The following VPS33A variants were observed in gnomAD, a reference collection of about 807,000 sequenced individuals.
VPS33A encodes the protein VPS33A core subunit of CORVET and HOPS complexes, also known as vacuolar protein sorting-associated protein 33A.
In VPS33A, 32 loss-of-function variants were observed where a neutral mutation model predicts 71.8. The ratio of observed to expected loss-of-function variants is 0.45; its 90% CI spans 0.34 to 0.60. The LOEUF is 0.60. Ranked by LOEUF, VPS33A falls within the 20% of genes least tolerant of loss-of-function variation. The probability of loss-of-function intolerance (pLI) is 0.02; values close to 1 mark genes in which losing one functional copy is unlikely to be tolerated. For missense variants in VPS33A, 625 were observed against 748.5 expected (o/e 0.84, Z 1.92); for synonymous variants, 311 against 292.7 (o/e 1.06, Z -0.64).
intron 7 of VPS33A, 51 bp downstream of exon 7, chr12:122,244,518 G>A: frequency 6.7e-7 from 1 of 1,492,982 alleles, no homozygotes; most frequent in Non-Finnish European, 9.1e-7. Flanking sequence ...TCAGGGGTGG[G>A]CATCTACCTG....
In VPS33A at chr12:122,232,742, T is replaced by C. The variant is rs930367155; in HGVS notation, c.1609+58A>G. 4 of 1,554,680 alleles carry C rather than the reference T, an allele frequency of 2.6e-6. No homozygotes were observed. The African/African-American group carries it at 4.1e-5, about 16-fold the overall frequency. On this transcript the variant is annotated intron_variant, in intron 12 of 12. Transcript: ENST00000267199. ...ACTATTTTACAAAGCAACTGTACAA[T>C]ACCTGAAAACCACACTAACAGTACA...
chr12:122,236,059 T>C (rs951669316), intron 10 of VPS33A, 136 bp from the exon 11 acceptor site: 285 of 1,093,498 alleles, frequency 2.6e-4, no homozygotes, highest in Non-Finnish European at 3.4e-4. Flanking sequence ...TGTTAGTGGA[T>C]GGGCACAGAG....
rs1207597756 is a variant in VPS33A, at chr12:122,251,016, G to C, written c.567C>G (p.Ile189Met). ...LMTLQALYGT[I>M]PQIFGKGECA... ...ATTCTCCTTTCCCAAAGATCTGGGG[G>C]ATCGTTCCATACAGAGCTTGCAGGG... The change falls in exon 5 of 13, where the codon ATC (isoleucine) becomes ATG (methionine). Residue 189 changes from isoleucine to methionine, a missense_variant. By Grantham distance (10) the Ile-to-Met change is conservative. Transcript: ENST00000267199. 1.2e-6 allele frequency: 2 copies of C among 1,614,068 alleles called. No homozygotes were observed. The highest frequency in any genetic ancestry group is 1.7e-6 in the Non-Finnish European group (2 of 1,179,974).
chr12:122,239,783 A>G (rs1369868756), intron 9 of VPS33A, 95 bp downstream of exon 9: 8 of 641,614 alleles, frequency 1.2e-5, no homozygotes, highest in Admixed American at 5.7e-5. Flanking sequence ...AAAAAAAGGC[A>G]AGGCATGGGA....
intron 3 of VPS33A, among the ~76,000 whole-genome samples, chr12:122,262,466 C>T (rs759074557): frequency 6.6e-6 from 1 of 152,172 alleles, no homozygotes; most frequent in Non-Finnish European, 1.5e-5. Context: ...TCCTACTCTC[C>T]TTGACAGAGA....
At chr12:122,257,264 T>TA in intron 4 of VPS33A, among the ~76,000 whole-genome samples, 1 of 151,734 alleles carries the variant, frequency 6.6e-6, no homozygotes, top group East Asian at 1.9e-4. Flanking sequence ...CCGTCTCTAC[T>TA]AAAAATACAA....
intron 8 of VPS33A, among the ~76,000 whole-genome samples, chr12:122,240,196 C>T (rs1204794196): frequency 1.3e-5 from 2 of 151,864 alleles, no homozygotes; most frequent in Non-Finnish European, 2.9e-5. Context: ...GGTATGGTGG[C>T]ACACACCCGT....
At chr12:122,235,515 C>T (rs1040063090) in intron 11 of VPS33A, among the ~76,000 whole-genome samples, 2 of 152,020 alleles carry the variant, frequency 1.3e-5, no homozygotes, top group South Asian at 2.1e-4. Flanking sequence ...CTGCCCGCCT[C>T]GGCCTCCCAA....
Position 122,252,978 on chromosome 12 carries a change from T to C in VPS33A, c.484-1879A>G, listed in dbSNP as rs534461570. On this transcript the variant is annotated intron_variant, in intron 4 of 12. Coordinates refer to ENST00000267199, the MANE Select transcript of VPS33A (RefSeq NM_022916.6). ...TCCCTCCACCCCTACCAACCCAACA[T>C]GTCCCTGCTGTCCACAGCCAGAACT... 6 of 152,236 alleles carry C rather than the reference T, an allele frequency of 3.9e-5. No homozygotes were observed. The East Asian group carries it at 1.2e-3, about 29-fold the overall frequency. The allele number at this position is 152,236 out of a possible 1,614,324, so 9.4% of individuals were successfully genotyped here. A position where few individuals can be genotyped will look rare whatever the true frequency, so the allele number is the denominator to read the frequency against.
intron 11 of VPS33A, among the ~76,000 whole-genome samples, chr12:122,233,637 CA>C (rs1206316716): frequency 4.6e-5 from 7 of 152,148 alleles, no homozygotes; most frequent in African/African-American, 7.2e-5. Context: ...GAGGTGCTTG[CA>C]GAACAAAAGA....
At chr12:122,240,837 C>CA (rs879440304) in intron 8 of VPS33A, among the ~76,000 whole-genome samples, 23 of 152,060 alleles carry the variant, frequency 1.5e-4, no homozygotes, top group Admixed American at 5.9e-4. Context: ...AGTAATCCTT[C>CA]AAAAAAGGAA....
At chr12:122,252,361 T>G (rs974822542) in intron 4 of VPS33A, among the ~76,000 whole-genome samples, 2 of 152,012 alleles carry the variant, frequency 1.3e-5, no homozygotes, top group Non-Finnish European at 2.9e-5. Flanking sequence ...CTCCACCTAC[T>G]GGGTTCACAC....
Position 122,244,718 on chromosome 12 carries a change from C to T in VPS33A, c.820G>A (p.Gly274Ser), listed in dbSNP as rs910352176. The T allele has an allele frequency of 1.9e-6, 3 of 1,614,020 alleles. No individual in the cohort carries two copies. The highest frequency in any genetic ancestry group is 2.2e-5 in the East Asian group (1 of 44,892). The change falls in exon 7 of 13, where the codon GGC becomes AGC. Residue 274 changes from glycine to serine, a missense_variant. Coordinates refer to ENST00000267199, the MANE Select transcript of VPS33A (RefSeq NM_022916.6). ...PPEKFAPKKQ[G>S]DGGKDLPTEA... ...GTGGGGAGGTCCTTACCACCATCGC[C>T]CTGTTTCTTAGGTGCAAATTTCTCT...
intron 7 of VPS33A, among the ~76,000 whole-genome samples, chr12:122,243,420 G>A (rs1299592634): frequency 6.6e-6 from 1 of 151,568 alleles, no homozygotes; most frequent in African/African-American, 2.4e-5. Context: ...AAAAAGTTTT[G>A]TAGAGACAGT....
chr12:122,259,193 GTATGTATGTATGTA>G lies in VPS33A; in HGVS notation c.483+2054_483+2067del, dbSNP rs1954959276. On this transcript the variant is annotated intron_variant, in intron 4 of 12. Transcript: ENST00000267199. The stretch of plus-strand genomic sequence containing the variant: ...TGTGTGTGTGTATGTATGTGTGTAT[GTATGTATGTATGTA>G]TGTATGTATGTATGTATGTATGTAT... Among the ~76,000 whole-genome samples, 65 of 126,166 alleles carry G rather than the reference GTATGTATGTATGTA, an allele frequency of 5.2e-4. 1 individual carries two copies. Among genetic ancestry groups the G allele is most frequent in the African/African-American group, 1.6e-3 (63 of 38,838 alleles). 82.8% of individuals were successfully genotyped at this position (126,166 alleles called of 152,430 possible). A position where few individuals can be genotyped will look rare whatever the true frequency, so the allele number is the denominator to read the frequency against.
intron 11 of VPS33A, among the ~76,000 whole-genome samples, chr12:122,233,737 T>C (rs1954595015): frequency 6.6e-6 from 1 of 152,214 alleles, no homozygotes; most frequent in Admixed American, 6.5e-5. Context: ...AATAGCAATC[T>C]GTTAAATCAT....
intron 1 of VPS33A, chr12:122,264,864 A>G (rs1955046219): frequency 6.6e-6 from 1 of 152,114 alleles, no homozygotes; most frequent in Non-Finnish European, 1.5e-5. Flanking sequence ...CATTAAATTG[A>G]GCCATATGGA....
intron 4 of VPS33A, among the ~76,000 whole-genome samples, chr12:122,255,474 G>A (rs552097016): frequency 6.6e-6 from 1 of 152,156 alleles, no homozygotes; most frequent in East Asian, 1.9e-4. Context: ...GGGAGGCCGA[G>A]ATGAGCAGAT....
intron 11 of VPS33A, among the ~76,000 whole-genome samples, chr12:122,234,501 A>G (rs1954604128): frequency 6.6e-6 from 1 of 152,148 alleles, no homozygotes; most frequent in East Asian, 1.9e-4. Context: ...CATGTTGGCC[A>G]GGCTGGTCTT....
Sources: allele counts gnomAD v4.1 joint callset (sites outside exome capture counted in the v4.1 genomes callset), GRCh38; gene constraint gnomAD v4.1.1; transcripts MANE v1.5; gene names NCBI Gene and HGNC (gene_info 2026-07-23, HGNC 2026-07-21).